PMPCB: variants seen among roughly 807,000 people sequenced by gnomAD.
PMPCB encodes the protein peptidase, mitochondrial processing subunit beta, also known as mitochondrial-processing peptidase subunit beta.
A neutral mutation model predicts 61.5 loss-of-function variants in PMPCB; 46 were observed. The ratio of observed to expected loss-of-function variants is 0.75; its 90% confidence interval spans 0.59 to 0.96. PMPCB has a LOEUF of 0.96. Among genes scored for constraint, PMPCB ranks in the 40% least tolerant of loss-of-function variants. The pLI, the probability that PMPCB is intolerant of heterozygous loss-of-function variation, is 0.00. For missense variants in PMPCB, 590 were observed against 602.4 expected, an observed-to-expected ratio of 0.98 and a Z score of 0.22; for synonymous variants, 191 against 201.6, an observed-to-expected ratio of 0.95 and a Z score of 0.44.
chr7:103,323,541 C>T, intron 12 of PMPCB: 1 of 1,379,666 alleles, frequency 7.2e-7, no homozygotes, highest in Non-Finnish European at 9.6e-7. Flanking sequence ...TTTACATCAT[C>T]ACAAATACCA....
chr7:103,328,707 A>T (rs1818840246), intron 12 of PMPCB, among the ~76,000 whole-genome samples: 1 of 152,182 alleles, frequency 6.6e-6, no homozygotes, highest in African/African-American at 2.4e-5. Context: ...TCAGCTTCAC[A>T]TTATAGCGTT....
downstream of PMPCB, among the ~76,000 whole-genome samples, chr7:103,334,153 G>A (rs972507645): frequency 5.3e-5 from 8 of 151,796 alleles, no homozygotes; most frequent in East Asian, 2.0e-4. Context: ...GGGTTTCACC[G>A]TGTTAGCCAG....
chr7:103,316,448 C>T (rs1818059780), downstream of PMPCB: 1 of 221,186 alleles, frequency 4.5e-6, no homozygotes, highest in Non-Finnish European at 8.8e-6. Flanking sequence ...GACGCTGGAT[C>T]TCTAGGGCTT....
At chr7:103,297,651 G>A (rs1333478718) in intron 1 of PMPCB, 93 bp downstream of exon 1, 1 of 1,568,126 alleles carries the variant, frequency 6.4e-7, no homozygotes, top group African/African-American at 1.4e-5. Flanking sequence ...CGAACAGTGG[G>A]TCGGGCAGGG....
downstream of PMPCB, among the ~76,000 whole-genome samples, chr7:103,332,262 C>T (rs1819008186): frequency 6.6e-6 from 1 of 152,190 alleles, no homozygotes; most frequent in South Asian, 2.1e-4. Context: ...GCCTTGGCCT[C>T]CCAAAGTGCT....
chr7:103,328,217 C>T (rs533899085), intron 12 of PMPCB, among the ~76,000 whole-genome samples: 26 of 152,092 alleles, frequency 1.7e-4, no homozygotes, highest in African/African-American at 5.8e-4. Context: ...CCACTGAGCC[C>T]GGCTTGAAGT....
chr7:103,328,962 G>T (rs1358423595), exon 13 of PMPCB: 3 of 1,260,508 alleles, frequency 2.4e-6, no homozygotes, highest in Non-Finnish European at 3.1e-6. Context: ...TTCATGAATG[G>T]AAATGGAACA....
intron 12 of PMPCB, chr7:103,327,515 G>C: frequency 1.4e-6 from 1 of 705,472 alleles, no homozygotes; most frequent in Non-Finnish European, 2.3e-6. Context: ...GTGATGATTA[G>C]AAAGAACTTG....
chr7:103,309,241 T>C (rs1817672562), intron 8 of PMPCB, 146 bp downstream of exon 8: 2 of 610,808 alleles, frequency 3.3e-6, no homozygotes, highest in Admixed American at 8.3e-5. Context: ...AAACTGATCC[T>C]GGATTGCATG....
chr7:103,339,452 C>A, the PMPCB span, among the ~76,000 whole-genome samples: 1 of 152,212 alleles, frequency 6.6e-6, no homozygotes, highest in Non-Finnish European at 1.5e-5. Flanking sequence ...ATTTTCTTTA[C>A]TACCCAGCTT....
chr7:103,316,642 G>T (rs911024381), downstream of PMPCB: 525 of 594,296 alleles, frequency 8.8e-4, 1 homozygote, highest in Non-Finnish European at 1.2e-3. Context: ...ATGTATATGT[G>T]CATGTGTACT....
intron 12 of PMPCB, chr7:103,326,650 T>C: frequency 6.2e-7 from 1 of 1,612,696 alleles, no homozygotes; most frequent in African/African-American, 1.3e-5. Flanking sequence ...TGTTAAATGC[T>C]CGTCTTTTCA....
chr7:103,299,652 GA>G (rs1375157372), intron 3 of PMPCB, 123 bp downstream of exon 3: 5 of 569,684 alleles, frequency 8.8e-6, no homozygotes, highest in Non-Finnish European at 1.5e-5. Flanking sequence ...ATTTTTCCAG[GA>G]CAGTATCTAA....
chr7:103,321,787 G>T, intron 12 of PMPCB: 1 of 832,008 alleles, frequency 1.2e-6, no homozygotes, highest in Non-Finnish European at 1.8e-6. Flanking sequence ...GGCGGAAATT[G>T]CGGTGAACTG....
chr7:103,332,999 T>A (rs186128274), downstream of PMPCB, among the ~76,000 whole-genome samples: 192 of 152,300 alleles, frequency 1.3e-3, 2 homozygotes, highest in African/African-American at 4.6e-3. Context: ...GATTTCAAAT[T>A]TTTTTAGATT....
intron 7 of PMPCB, among the ~76,000 whole-genome samples, chr7:103,308,056 C>G (rs533176781): frequency 5.9e-5 from 9 of 152,154 alleles, no homozygotes; most frequent in African/African-American, 2.2e-4. Flanking sequence ...CTTTTAAACC[C>G]CGTATTTTGA....
At position 103,321,454 on chromosome 7, in the gene PMPCB, G is replaced by A. The variant is rs2115865261; in HGVS notation, c.*1432-7477G>A. Among the ~76,000 whole-genome samples, 2 of 151,668 alleles carry A rather than the reference G, an allele frequency of 1.3e-5. 1 individual carries two copies. Among genetic ancestry groups the A allele is most frequent in the South Asian group, 4.2e-4 (2 of 4,804 alleles). ...AGTTGCTTGAACCCAGGAGGCGGGGGTTGCAGTGAGCCAAAATCGTGCCAT... is the reference window on the plus strand; with the variant it reads ...AGTTGCTTGAACCCAGGAGGCGGGGATTGCAGTGAGCCAAAATCGTGCCAT... On this transcript the variant is annotated intron_variant and NMD_transcript_variant, in intron 12 of 12. Coordinates refer to the PMPCB transcript ENST00000444457.
At chr7:103,331,961 G>T (rs1459707634), downstream of PMPCB, among the ~76,000 whole-genome samples, 1 of 151,648 alleles carries the variant, frequency 6.6e-6, no homozygotes, top group Non-Finnish European at 1.5e-5. Flanking sequence ...TGCTAATTTA[G>T]ATTCCTACCA....
In PMPCB at chr7:103,312,402, A is replaced by G; in HGVS notation, c.*131A>G. 6.6e-7 allele frequency: 1 copy of G among 1,515,106 alleles called. No homozygotes were observed. Among genetic ancestry groups the G allele is most frequent in the Non-Finnish European group, 8.8e-7 (1 of 1,140,906 alleles). 93.9% of individuals were successfully genotyped at this position (1,515,106 alleles called of 1,614,324 possible). On this transcript the variant is annotated 3_prime_UTR_variant, in exon 13 of 13. Transcript: ENST00000249269. The stretch of plus-strand genomic sequence containing the variant: ...TATCATACTTTCAAAGGATAAAAAG[A>G]CTACCCCTCTGAAGGTTGTTTTGTA...
Sources: gnomAD v4.1 joint callset for allele counts (sites outside exome capture counted in the v4.1 genomes callset) on GRCh38, gnomAD v4.1.1 for gene constraint, MANE v1.5 for transcripts, NCBI Gene and HGNC (gene_info 2026-07-23, HGNC 2026-07-21) for gene names.